Variants in MARCHF1 observed in about 807,000 individuals in gnomAD.
MARCHF1 encodes E3 ubiquitin-protein ligase MARCHF1.
A neutral mutation model predicts 54.2 loss-of-function variants in MARCHF1; 40 were observed. That is an observed-to-expected ratio of 0.74 (90% CI 0.57 to 0.96). The LOEUF (loss-of-function observed/expected upper bound fraction) is 0.96, where lower values mean the gene tolerates loss of function less well. Among genes scored for constraint, MARCHF1 ranks in the 40% least tolerant of loss-of-function variants. The pLI is 0.00. For missense variants in MARCHF1, 586 were observed against 656.5 expected (o/e 0.89, Z 1.17); for synonymous variants, 236 against 236.3 (o/e 1.00, Z 0.01).
chr4:164,047,024 C>T (rs1167221136), intron 2 of MARCHF1, among the ~76,000 whole-genome samples: 1 of 152,100 alleles, frequency 6.6e-6, no homozygotes, highest in East Asian at 1.9e-4. Context: ...GGACATTCCT[C>T]AAGAAAATGT....
intron 2 of MARCHF1, among the ~76,000 whole-genome samples, chr4:164,098,750 T>G (rs1203377719): frequency 1.3e-5 from 2 of 152,186 alleles, no homozygotes; most frequent in African/African-American, 4.8e-5. Context: ...GAAAATTATT[T>G]TGGCTGTCTT....
chr4:163,724,798 C>A (rs915649598), intron 4 of MARCHF1, among the ~76,000 whole-genome samples: 3 of 152,168 alleles, frequency 2.0e-5, no homozygotes, highest in African/African-American at 7.2e-5. Flanking sequence ...GGCGTGGGAC[C>A]CTCCAAGCCA....
intron 2 of MARCHF1, among the ~76,000 whole-genome samples, chr4:164,094,772 GATTA>G (rs1274628145): frequency 6.6e-6 from 1 of 152,036 alleles, no homozygotes; most frequent in Non-Finnish European, 1.5e-5. Context: ...AAAACACAAT[GATTA>G]ATCTATTGGA....
At chr4:164,357,877 A>C (rs967223251) in intron 1 of MARCHF1, among the ~76,000 whole-genome samples, 2 of 152,308 alleles carry the variant, frequency 1.3e-5, no homozygotes, top group African/African-American at 4.8e-5. Context: ...CTAAAACCTC[A>C]GAAGAAAAGG....
At chr4:163,653,681 A>C (rs1015292787) in intron 5 of MARCHF1, among the ~76,000 whole-genome samples, 12 of 151,722 alleles carry the variant, frequency 7.9e-5, no homozygotes, top group African/African-American at 2.9e-4. Context: ...GAAGGTAGAC[A>C]TCAAGGTTTG....
intron 8 of MARCHF1, among the ~76,000 whole-genome samples, chr4:163,578,142 A>G (rs1740100560): frequency 6.6e-6 from 1 of 151,962 alleles, no homozygotes; most frequent in Admixed American, 6.6e-5. Context: ...TATGTTTCAA[A>G]AACCAGAATA....
At chr4:164,091,740 T>C (rs576747291) in intron 2 of MARCHF1, among the ~76,000 whole-genome samples, 1 of 152,164 alleles carries the variant, frequency 6.6e-6, no homozygotes, top group South Asian at 2.1e-4. Context: ...TGTGACTAAA[T>C]ACTGGATATG....
intron 7 of MARCHF1, among the ~76,000 whole-genome samples, chr4:163,605,988 T>C (rs1741129945): frequency 6.6e-6 from 1 of 152,104 alleles, no homozygotes; most frequent in African/African-American, 2.4e-5. Context: ...CAAACCACCA[T>C]GGCACGTTTA....
At chr4:163,700,209 A>G (rs1365663238) in intron 5 of MARCHF1, among the ~76,000 whole-genome samples, 1 of 152,090 alleles carries the variant, frequency 6.6e-6, no homozygotes, top group Non-Finnish European at 1.5e-5. Flanking sequence ...ACATAATACT[A>G]TGACAGTAGC....
intron 3 of MARCHF1, among the ~76,000 whole-genome samples, chr4:163,899,887 TC>T (rs67522619): frequency 0.31 from 46,900 of 149,546 alleles, 7,568 homozygotes; most frequent in South Asian, 0.38. Flanking sequence ...TTTCTTTTTT[TC>T]TTTTTTTAAA....
chr4:163,893,062 G>A (rs1355865540), intron 3 of MARCHF1, among the ~76,000 whole-genome samples: 2 of 151,080 alleles, frequency 1.3e-5, no homozygotes, highest in African/African-American at 4.9e-5. Context: ...TGCCCCAGAA[G>A]GATTTTTTTT....
At chr4:163,866,466 T>TTTATATATATATATATATATATA (rs1553959583) in intron 3 of MARCHF1, among the ~76,000 whole-genome samples, 1 of 124,400 alleles carries the variant, frequency 8.0e-6, no homozygotes, top group East Asian at 2.5e-4. Flanking sequence ...AAAGCTGTAG[T>TTTATATATATATATATATATATA]TATATATATA....
At position 163,525,875 on chromosome 4, in the gene MARCHF1, T is replaced by C. The variant is rs1212076009; in HGVS notation, c.*2873A>G. 2 of 152,128 alleles carry C rather than the reference T, an allele frequency of 1.3e-5. No homozygotes were observed. The highest frequency in any genetic ancestry group is 4.8e-5 in the African/African-American group (2 of 41,446). The allele number at this position is 152,128 out of a possible 1,614,324, so 9.4% of individuals were successfully genotyped here. On this transcript the variant is annotated 3_prime_UTR_variant, in exon 10 of 10. Transcript: ENST00000514618. ...ATTGTTTGAAAGGGCAAATGTTCCA[T>C]TGCCACACAGAATGTAAAAAGAAAA...
chr4:163,656,168 TGAA>T (rs1219110582), intron 5 of MARCHF1, among the ~76,000 whole-genome samples: 1 of 138,794 alleles, frequency 7.2e-6, no homozygotes, highest in Non-Finnish European at 1.6e-5. Flanking sequence ...GCTAGACAAA[TGAA>T]GAAGAAAAGA....
intron 1 of MARCHF1, among the ~76,000 whole-genome samples, chr4:164,222,028 T>C (rs544851796): frequency 3.9e-5 from 6 of 152,130 alleles, no homozygotes; most frequent in Admixed American, 2.0e-4. Flanking sequence ...ATGGGAAGGT[T>C]ACATCTGGTG....
chr4:164,289,342 A>C (rs1734229441), intron 1 of MARCHF1, among the ~76,000 whole-genome samples: 1 of 152,024 alleles, frequency 6.6e-6, no homozygotes, highest in Admixed American at 6.6e-5. Flanking sequence ...AGTGTAGTTT[A>C]GTATTCCGTG....
intron 1 of MARCHF1, among the ~76,000 whole-genome samples, chr4:164,199,163 C>T (rs1241385270): frequency 6.6e-6 from 1 of 152,186 alleles, no homozygotes; most frequent in Admixed American, 6.5e-5. Context: ...ACATAAACTG[C>T]CTTGAAAGTA....
chr4:163,524,987 CTTTCA>C lies in MARCHF1; in HGVS notation c.*3756_*3760del, dbSNP rs1738046867. ...CTGCAGCCCAAAATAACAGTACTTCCTTTCAACTGTGTTGATATGTAAAATAGCAC... is the reference window on the plus strand; with the variant it reads ...CTGCAGCCCAAAATAACAGTACTTCCACTGTGTTGATATGTAAAATAGCAC... On this transcript the variant is annotated 3_prime_UTR_variant, in exon 10 of 10. Coordinates refer to ENST00000514618, the MANE Select transcript of MARCHF1 (RefSeq NM_001394959.1). 2 of 152,114 alleles carry C rather than the reference CTTTCA, an allele frequency of 1.3e-5. No individual in the cohort carries two copies. Among genetic ancestry groups the C allele is most frequent in the African/African-American group, 4.8e-5 (2 of 41,426 alleles). 9.4% of individuals were successfully genotyped at this position (152,114 alleles called of 1,614,324 possible). A position where few individuals can be genotyped will look rare whatever the true frequency, so the allele number is the denominator to read the frequency against.
At chr4:163,813,910 C>G (rs905063227) in intron 4 of MARCHF1, among the ~76,000 whole-genome samples, 5 of 152,098 alleles carry the variant, frequency 3.3e-5, no homozygotes, top group Non-Finnish European at 7.4e-5. Flanking sequence ...ACACCAAGCT[C>G]TATGCCAAAG....
Sources: gnomAD v4.1 joint callset for allele counts (sites outside exome capture counted in the v4.1 genomes callset) on GRCh38, gnomAD v4.1.1 for gene constraint, MANE v1.5 for transcripts, NCBI Gene and HGNC (gene_info 2026-07-23, HGNC 2026-07-21) for gene names.